FAM131B: variants seen among roughly 807,000 people sequenced by gnomAD.
The protein encoded by FAM131B is family with sequence similarity 131 member B.
Under a neutral mutation model 42.0 loss-of-function variants are expected in FAM131B, and 19 were observed. The observed-to-expected ratio is 0.45, with a 90% CI of 0.32 to 0.66. The LOEUF is 0.66. Ranked by LOEUF, FAM131B falls within the 30% of genes least tolerant of loss-of-function variation. FAM131B has a pLI of 0.05. For missense variants in FAM131B, 370 were observed against 468.4 expected, an observed-to-expected ratio of 0.79 and a Z score of 1.94; for synonymous variants, 183 against 177.6, an observed-to-expected ratio of 1.03 and a Z score of -0.24.
At chr7:143,372,033 G>A in the FAM131B span, among the ~76,000 whole-genome samples, 1 of 152,192 alleles carries the variant, frequency 6.6e-6, no homozygotes, top group East Asian at 1.9e-4. Flanking sequence ...ATGAGGATGT[G>A]GAAGGAGATG....
the FAM131B span, chr7:143,381,169 G>GC: frequency 1.3e-4 from 125 of 987,808 alleles, no homozygotes; most frequent in Non-Finnish European, 1.4e-4. Flanking sequence ...CAGGATCAGG[G>GC]CCCCTTCCTG....
chr7:143,381,656 G>C, the FAM131B span: 1 of 1,612,216 alleles, frequency 6.2e-7, no homozygotes, highest in Non-Finnish European at 8.5e-7. Context: ...GTTCGGCCCT[G>C]TGGTGGCCCC....
At chr7:143,381,830 G>A in the FAM131B span, 1 of 1,469,682 alleles carries the variant, frequency 6.8e-7, no homozygotes, top group East Asian at 2.5e-5. Context: ...GGGGTGGGGG[G>A]CAGTCGTTTC....
chr7:143,381,161 G>A, the FAM131B span: 4 of 985,446 alleles, frequency 4.1e-6, no homozygotes, highest in Non-Finnish European at 4.8e-6. Context: ...GCCTGAGGCA[G>A]GATCAGGGCC....
chr7:143,382,227 T>G, the FAM131B span: 4 of 1,608,278 alleles, frequency 2.5e-6, no homozygotes, highest in Non-Finnish European at 3.4e-6. Flanking sequence ...CCGGCCGACG[T>G]CTTTCTCCTT....
At position 143,362,494 on chromosome 7, in the gene FAM131B, G is replaced by C; in HGVS notation, c.28+82C>G. On this transcript the variant is annotated intron_variant, in intron 1 of 6. Coordinates refer to ENST00000443739, the MANE Select transcript of FAM131B (RefSeq NM_001031690.3). The surrounding 1 kb of genome is among the most constrained non-coding windows in gnomAD (Gnocchi z 7.7). ...GCGGGTGCGGAGCGGGGCGCCCGGA[G>C]GCGCGAGGAGAGGGATGGGGGAGGG... 1.7e-6 allele frequency: 1 copy of C among 589,508 alleles called. No homozygotes were observed. Among genetic ancestry groups the C allele is most frequent in the Non-Finnish European group, 2.5e-6 (1 of 404,250 alleles). The allele number at this position is 589,508 out of a possible 1,614,324, so 36.5% of individuals were successfully genotyped here. A position where few individuals can be genotyped will look rare whatever the true frequency, so the allele number is the denominator to read the frequency against.
the FAM131B span, chr7:143,381,414 G>A: frequency 3.2e-6 from 4 of 1,238,792 alleles, no homozygotes; most frequent in Non-Finnish European, 4.0e-6. Context: ...CCTGCGGTGA[G>A]GCGCGGGGAG....
upstream of FAM131B, chr7:143,363,954 G>A (rs1231258471): frequency 1.3e-5 from 2 of 152,196 alleles, no homozygotes; most frequent in Non-Finnish European, 2.9e-5. Flanking sequence ...TGTGCAAGAA[G>A]AAGACACTAA....
At chr7:143,375,430 A>T in the FAM131B span, among the ~76,000 whole-genome samples, 3 of 152,140 alleles carry the variant, frequency 2.0e-5, no homozygotes, top group Non-Finnish European at 4.4e-5. Context: ...GTAGACCTGA[A>T]TAGGTCCACC....
the FAM131B span, among the ~76,000 whole-genome samples, chr7:143,374,915 C>G: frequency 6.6e-6 from 1 of 152,172 alleles, no homozygotes; most frequent in African/African-American, 2.4e-5. Context: ...GCATCCTATT[C>G]CTTTCTCTTG....
chr7:143,359,551 C>T lies in FAM131B; in HGVS notation c.175-132G>A. On this transcript the variant is annotated intron_variant, in intron 3 of 6. Coordinates refer to ENST00000443739, the MANE Select transcript of FAM131B (RefSeq NM_001031690.3). This position sits in a 1 kb window ranked among gnomAD's most constrained non-coding sequence, Gnocchi z 5.4. The stretch of plus-strand genomic sequence containing the variant: ...AGATGATAAGAAAAGCTACTATACC[C>T]AAGAGTCCCAAGGAGGGATATATCC... The T allele has an allele frequency of 1.1e-6, 1 of 929,200 alleles. No individual in the cohort carries two copies. The highest frequency in any genetic ancestry group is 1.7e-6 in the Non-Finnish European group (1 of 578,530). 57.6% of individuals were successfully genotyped at this position (929,200 alleles called of 1,614,324 possible).
At chr7:143,366,954 G>T (rs1219869622), upstream of FAM131B, among the ~76,000 whole-genome samples, 1 of 152,160 alleles carries the variant, frequency 6.6e-6, no homozygotes, top group Non-Finnish European at 1.5e-5. Context: ...TGCTGACAAG[G>T]GACCCCATTC....
In FAM131B at chr7:143,359,343, G is replaced by A. The variant is rs772073487; in HGVS notation, c.251C>T (p.Ala84Val). ...AGTCTCACCTGAGAATGATGACTTG[G>A]CCAGGGCCCCAATGCCATAGGCGTT... ...NSNAYGIGAL[A>V]KSSFSGISRS... The change falls in exon 4 of 7, where the codon GCC becomes GTC. Residue 84 changes from alanine (A) to valine (V), a missense_variant. Physicochemically the swap from Ala to Val is moderately conservative, Grantham distance 64. Coordinates refer to ENST00000443739, the MANE Select transcript of FAM131B (RefSeq NM_001031690.3). The surrounding 1 kb of genome is among the most constrained non-coding windows in gnomAD (Gnocchi z 5.4). The A allele has an allele frequency of 6.2e-7, 1 of 1,613,316 alleles. No homozygotes were observed. The highest frequency in any genetic ancestry group is 1.7e-5 in the Admixed American group (1 of 60,002).
In FAM131B at chr7:143,359,924, T is replaced by C; in HGVS notation, c.138+116A>G. On this transcript the variant is annotated intron_variant, in intron 2 of 6. Coordinates refer to ENST00000443739, the MANE Select transcript of FAM131B (RefSeq NM_001031690.3). This position sits in a 1 kb window ranked among gnomAD's most constrained non-coding sequence, Gnocchi z 5.4. ...GGTTCTCCATGTGGACTGCTTGGCATGTGTTGTGAGAAATGTTCTGTAGAA... is the reference window on the plus strand; with the variant it reads ...GGTTCTCCATGTGGACTGCTTGGCACGTGTTGTGAGAAATGTTCTGTAGAA... The C allele has an allele frequency of 2.0e-6, 2 of 997,260 alleles. No individual in the cohort carries two copies. The highest frequency in any genetic ancestry group is 1.4e-5 in the South Asian group (1 of 72,380). The allele number at this position is 997,260 out of a possible 1,614,324, so 61.8% of individuals were successfully genotyped here.
At chr7:143,357,139 GA>G in intron 6 of FAM131B, 117 bp from the exon 7 acceptor site, 1 of 1,124,530 alleles carries the variant, frequency 8.9e-7, no homozygotes, top group Non-Finnish European at 1.3e-6. Flanking sequence ...GTAAGACACA[GA>G]GTGCACAGTG....
In FAM131B at chr7:143,358,772, G is replaced by T. The variant is rs1586535070; in HGVS notation, c.466+55C>A. Reference sequence around the variant, plus strand: ...CTGCCACAGGGGATCAGGTTGGAGGGTCGGTCCCTGGCCATCCTGCAAATG... The same window carrying T: ...CTGCCACAGGGGATCAGGTTGGAGGTTCGGTCCCTGGCCATCCTGCAAATG... On this transcript the variant is annotated intron_variant, in intron 5 of 6. Transcript: ENST00000443739. This position sits in a 1 kb window ranked among gnomAD's most constrained non-coding sequence, Gnocchi z 4.7. The T allele has an allele frequency of 6.9e-7, 1 of 1,449,616 alleles. No homozygotes were observed. The highest frequency in any genetic ancestry group is 9.6e-7 in the Non-Finnish European group (1 of 1,041,070). The allele number at this position is 1,449,616 out of a possible 1,614,324, so 89.8% of individuals were successfully genotyped here. A position where few individuals can be genotyped will look rare whatever the true frequency, so the allele number is the denominator to read the frequency against.
At chr7:143,364,024 G>A (rs1029381205), upstream of FAM131B, 4 of 152,332 alleles carry the variant, frequency 2.6e-5, no homozygotes, top group South Asian at 2.1e-4. Flanking sequence ...TTCGGTGTAT[G>A]TGCATGAAGA....
chr7:143,375,225 T>C, the FAM131B span, among the ~76,000 whole-genome samples: 2 of 152,324 alleles, frequency 1.3e-5, no homozygotes, highest in South Asian at 4.1e-4. Flanking sequence ...TCAGTTTCAG[T>C]CAGCAAATGT....
the FAM131B span, chr7:143,382,243 C>T: frequency 6.2e-7 from 1 of 1,611,916 alleles, no homozygotes; most frequent in South Asian, 1.1e-5. Flanking sequence ...TCCTTCCTAC[C>T]CCAGACTTTC....
Sources: gnomAD v4.1 joint callset for allele counts (sites outside exome capture counted in the v4.1 genomes callset) on GRCh38, gnomAD v4.1.1 for gene constraint, Gnocchi (gnomAD v3.1) non-coding constraint, MANE v1.5 for transcripts, NCBI Gene and HGNC (gene_info 2026-07-23, HGNC 2026-07-21) for gene names.